GSE1: variants seen among roughly 807,000 people sequenced by gnomAD.
The protein encoded by GSE1 is Gse1 coiled-coil protein, also known as genetic suppressor element 1.
Under a neutral mutation model 112.6 loss-of-function variants are expected in GSE1, and 32 were observed. That is an observed-to-expected ratio of 0.28 (90% CI 0.21 to 0.38). The LOEUF is 0.38. GSE1 is among the 10% of genes least tolerant of loss of function. The pLI is 1.00. For missense variants in GSE1, 2,348 were observed against 1,699.2 expected (o/e 1.38, Z -6.71); for synonymous variants, 1,115 against 735.6 (o/e 1.52, Z -8.35).
chr16:85,615,312 G>C (rs938954228), intron 1 of GSE1, among the ~76,000 whole-genome samples: 4 of 152,248 alleles, frequency 2.6e-5, no homozygotes, highest in Non-Finnish European at 4.4e-5. Context: ...CAGGAGCGCT[G>C]GAAGAGGCCC....
At chr16:85,553,277 G>GCCGCC (rs1003002555), upstream of GSE1, among the ~76,000 whole-genome samples, 21 of 149,380 alleles carry the variant, frequency 1.4e-4, no homozygotes, top group East Asian at 3.7e-3. Context: ...CCCCGACCCC[G>GCCGCC]CCGCCCCGCT....
intron 1 of GSE1, among the ~76,000 whole-genome samples, chr16:85,586,402 C>T (rs1455944637): frequency 6.6e-6 from 1 of 152,232 alleles, no homozygotes; most frequent in African/African-American, 2.4e-5. Flanking sequence ...CCGGGAGGGA[C>T]AGCCCCTCTC....
chr16:85,285,989 A>C (rs928850667), intron 1 of GSE1: 2 of 152,352 alleles, frequency 1.3e-5, no homozygotes, highest in African/African-American at 2.4e-5. Flanking sequence ...TATCTTGGGC[A>C]CTGGGCGGTC....
At chr16:85,327,838 A>C (rs2046257428) in intron 1 of GSE1, among the ~76,000 whole-genome samples, 1 of 152,124 alleles carries the variant, frequency 6.6e-6, no homozygotes, top group Non-Finnish European at 1.5e-5. Context: ...AATTCTTAGG[A>C]TCACAGACTC....
At chr16:85,441,656 AAAC>A (rs906204387) in intron 2 of GSE1, among the ~76,000 whole-genome samples, 11 of 142,014 alleles carry the variant, frequency 7.7e-5, no homozygotes, top group African/African-American at 3.5e-4. Flanking sequence ...CAAAACACAA[AAAC>A]AAAAAACAAA....
intron 1 of GSE1, among the ~76,000 whole-genome samples, chr16:85,202,537 A>G (rs937749539): frequency 2.0e-5 from 3 of 152,172 alleles, no homozygotes; most frequent in African/African-American, 4.8e-5. Context: ...TCTGGAGAAC[A>G]TGAGGCCCCC....
At chr16:85,633,478 C>T (rs373036714) in intron 1 of GSE1, among the ~76,000 whole-genome samples, 21 of 152,330 alleles carry the variant, frequency 1.4e-4, no homozygotes, top group South Asian at 1.2e-3. Flanking sequence ...TCTTGGTTCC[C>T]GTCGTCCCTG....
chr16:85,255,877 G>A (rs1907023336), intron 1 of GSE1, among the ~76,000 whole-genome samples: 1 of 151,220 alleles, frequency 6.6e-6, no homozygotes, highest in African/African-American at 2.4e-5. Context: ...TTGTAGAGAT[G>A]GGGTCTCACC....
chr16:85,656,564 T>G lies in GSE1; in HGVS notation c.1211T>G (p.Leu404Arg). The G allele has an allele frequency of 1.3e-6, 2 of 1,548,066 alleles. No individual in the cohort carries two copies. The change falls in exon 7 of 16, where the codon CTG becomes CGG. Residue 404 changes from leucine to arginine, a missense_variant. Leu to Arg is a moderately radical substitution (Grantham distance 102). Coordinates refer to ENST00000253458, the MANE Select transcript of GSE1 (RefSeq NM_014615.5). ...AAGGAGCTGCTGGCCGCCAAGGCCCTGGAGCCCAGCTTCCTGCCCGTGGCC... is the reference window on the plus strand; with the variant it reads ...AAGGAGCTGCTGGCCGCCAAGGCCCGGGAGCCCAGCTTCCTGCCCGTGGCC... ...REKELLAAKA[L>R]EPSFLPVAEL... is the part of the protein sequence containing the mutation.
intron 3 of GSE1, among the ~76,000 whole-genome samples, chr16:85,653,201 C>CT (rs2051535069): frequency 9.8e-3 from 1 of 102 alleles, no homozygotes; most frequent in African/African-American, 0.021. Flanking sequence ...CCCTCCTCCC[C>CT]CCTCCTCCCC....
chr16:85,231,517 T>C (rs1904286858), intron 1 of GSE1, among the ~76,000 whole-genome samples: 1 of 152,212 alleles, frequency 6.6e-6, no homozygotes, highest in Non-Finnish European at 1.5e-5. Context: ...GAAAGATGGA[T>C]GGCTGAATGA....
intron 1 of GSE1, among the ~76,000 whole-genome samples, chr16:85,274,042 G>A (rs1382499692): frequency 6.6e-6 from 1 of 151,560 alleles, no homozygotes; most frequent in Non-Finnish European, 1.5e-5. Flanking sequence ...AGTAGATAGA[G>A]GTAGTGGCTG....
At chr16:85,557,052 G>A (rs1194911175) in intron 1 of GSE1, among the ~76,000 whole-genome samples, 1 of 152,022 alleles carries the variant, frequency 6.6e-6, no homozygotes, top group African/African-American at 2.4e-5. Context: ...GGGGTTGACA[G>A]CTGGAGGTTT....
intron 5 of GSE1, 40 bp from the exon 6 acceptor site, chr16:85,655,686 T>C: frequency 7.0e-7 from 1 of 1,422,442 alleles, no homozygotes; most frequent in Non-Finnish European, 9.7e-7. Flanking sequence ...GTCTTCCCCT[T>C]GGTTCATTTG....
chr16:85,672,637 AC>A lies in GSE1; in HGVS notation c.*99del. On this transcript the variant is annotated 3_prime_UTR_variant, in exon 16 of 16. Coordinates refer to ENST00000253458, the MANE Select transcript of GSE1 (RefSeq NM_014615.5). ...TTTTTCACTGGGAGGTTTGAAGCTTACAAAATGAGAATGTGCCATGCATGAA... is the reference window on the plus strand; with the variant it reads ...TTTTTCACTGGGAGGTTTGAAGCTTAAAAATGAGAATGTGCCATGCATGAA... The A allele has an allele frequency of 1.2e-6, 1 of 865,840 alleles. No individual in the cohort carries two copies. The highest frequency in any genetic ancestry group is 3.2e-5 in the Admixed American group (1 of 31,732). The allele number at this position is 865,840 out of a possible 1,614,324, so 53.6% of individuals were successfully genotyped here.
intron 2 of GSE1, among the ~76,000 whole-genome samples, chr16:85,478,927 C>CCTT (rs2050578732): frequency 3.6e-5 from 1 of 28,046 alleles, no homozygotes; most frequent in African/African-American, 1.5e-4. Flanking sequence ...TTCTTTCTTT[C>CCTT]TCTTTCTTTC....
exon 1 of GSE1, chr16:85,556,199 C>T (rs1299973342): frequency 1.7e-5 from 17 of 984,444 alleles, no homozygotes; most frequent in Non-Finnish European, 1.9e-5. Context: ...GCTCTTCTGC[C>T]TTTATTTTAT....
intron 1 of GSE1, among the ~76,000 whole-genome samples, chr16:85,279,355 C>A (rs186769046): frequency 1.5e-4 from 23 of 152,332 alleles, no homozygotes; most frequent in African/African-American, 5.5e-4. Flanking sequence ...TGCCTGTAAT[C>A]CCAGTACTCT....
chr16:85,225,312 G>A (rs979254278), intron 1 of GSE1, among the ~76,000 whole-genome samples: 1 of 152,206 alleles, frequency 6.6e-6, no homozygotes, highest in African/African-American at 2.4e-5. Flanking sequence ...CCAGGGTGGA[G>A]CTGGGGCTGG....
Sources: allele counts gnomAD v4.1 joint callset (sites outside exome capture counted in the v4.1 genomes callset), GRCh38; gene constraint gnomAD v4.1.1; transcripts MANE v1.5; gene names NCBI Gene and HGNC (gene_info 2026-07-23, HGNC 2026-07-21).